The following FAM135B variants were observed in gnomAD, a reference collection of about 807,000 sequenced individuals.
FAM135B encodes protein FAM135B.
Under a neutral mutation model 127.7 loss-of-function variants are expected in FAM135B, and 43 were observed. The observed-to-expected ratio is 0.34, with a 90% confidence interval of 0.26 to 0.43. The LOEUF (loss-of-function observed/expected upper bound fraction) is 0.43, where lower values mean the gene tolerates loss of function less well. FAM135B is among the 20% of genes least tolerant of loss of function. FAM135B has a pLI of 1.00. For synonymous variants in FAM135B, 670 were observed against 665.1 expected (o/e 1.01, Z -0.11); for missense variants, 1,558 against 1,725.6 (o/e 0.90, Z 1.72).
At chr8:138,238,302 A>T (rs969658101) in intron 7 of FAM135B, among the ~76,000 whole-genome samples, 1 of 152,166 alleles carries the variant, frequency 6.6e-6, no homozygotes, top group Admixed American at 6.5e-5. Context: ...AGCTTATTTC[A>T]TTTAATCCTC....
At position 138,346,785 on chromosome 8, in the gene FAM135B, A is replaced by T. The variant is rs543136293; in HGVS notation, c.77+21122T>A. On this transcript the variant is annotated intron_variant, in intron 2 of 19. Transcript: ENST00000395297. ...ACTGTGGCACACATTTACCTATGTA[A>T]CAAAGCTTCACACCCTGCACATGTA... 3.9e-5 allele frequency among the ~76,000 whole-genome samples: 6 copies of T among 152,148 alleles called. No homozygotes were observed. In the South Asian group the frequency reaches 1.0e-3, roughly 26 times the overall value.
intron 7 of FAM135B, among the ~76,000 whole-genome samples, chr8:138,233,535 A>C (rs192757805): frequency 6.4e-4 from 98 of 152,344 alleles, no homozygotes; most frequent in African/African-American, 2.1e-3. Context: ...TTAAACACTT[A>C]AACGTCAGAC....
At chr8:138,495,216 G>A (rs1815345925) in intron 1 of FAM135B, among the ~76,000 whole-genome samples, 1 of 152,188 alleles carries the variant, frequency 6.6e-6, no homozygotes, top group South Asian at 2.1e-4. Context: ...GATTGAGCCT[G>A]GTAAACTGCA....
chr8:138,475,942 C>T (rs1047845597), intron 1 of FAM135B, among the ~76,000 whole-genome samples: 13 of 152,118 alleles, frequency 8.5e-5, no homozygotes, highest in African/African-American at 2.7e-4. Flanking sequence ...TCATAACTGT[C>T]AAAACTTGGA....
chr8:138,286,080 G>A (rs1824660993), intron 3 of FAM135B, among the ~76,000 whole-genome samples: 1 of 152,066 alleles, frequency 6.6e-6, no homozygotes, highest in African/African-American at 2.4e-5. Flanking sequence ...AAACACTCAA[G>A]TAACCATTCC....
intron 2 of FAM135B, among the ~76,000 whole-genome samples, chr8:138,321,132 C>T (rs1827428084): frequency 1.3e-5 from 2 of 152,294 alleles, no homozygotes; most frequent in South Asian, 4.2e-4. Context: ...GCCTCTCTTT[C>T]CTCATGGGCG....
chr8:138,309,403 C>G (rs1826496356), intron 3 of FAM135B, among the ~76,000 whole-genome samples: 1 of 151,798 alleles, frequency 6.6e-6, no homozygotes, highest in Admixed American at 6.6e-5. Context: ...AGGAGGAACA[C>G]CTTGGAAATA....
At chr8:138,196,250 G>C (rs1586743945) in intron 8 of FAM135B, among the ~76,000 whole-genome samples, 1 of 152,098 alleles carries the variant, frequency 6.6e-6, no homozygotes, top group African/African-American at 2.4e-5. Context: ...TTTTTCATTT[G>C]AGCTATATAA....
chr8:138,452,281 T>A (rs1006758785), intron 1 of FAM135B, among the ~76,000 whole-genome samples: 8 of 151,880 alleles, frequency 5.3e-5, no homozygotes, highest in Non-Finnish European at 2.9e-5. Flanking sequence ...CCACCACACC[T>A]GGCTAATTTT....
chr8:138,451,132 C>A (rs897376341), intron 1 of FAM135B, among the ~76,000 whole-genome samples: 1 of 152,116 alleles, frequency 6.6e-6, no homozygotes, highest in African/African-American at 2.4e-5. Context: ...AATGGGATAG[C>A]CTTGACCAAT....
intron 2 of FAM135B, among the ~76,000 whole-genome samples, chr8:138,335,644 A>C (rs906260010): frequency 3.9e-5 from 6 of 152,134 alleles, no homozygotes; most frequent in Non-Finnish European, 5.9e-5. Flanking sequence ...TAGGCTCCCA[A>C]ACAATAATAA....
chr8:138,245,614 C>T (rs1821218410), intron 6 of FAM135B, among the ~76,000 whole-genome samples: 1 of 152,162 alleles, frequency 6.6e-6, no homozygotes, highest in Admixed American at 6.5e-5. Context: ...AATTAAACCT[C>T]TTTTCTTTAT....
chr8:138,344,855 G>A (rs538945884), intron 2 of FAM135B, among the ~76,000 whole-genome samples: 7 of 152,148 alleles, frequency 4.6e-5, no homozygotes, highest in South Asian at 4.1e-4. Flanking sequence ...GATTACAGGC[G>A]TGAGCCACCG....
At chr8:138,336,312 C>A (rs1187985370) in intron 2 of FAM135B, among the ~76,000 whole-genome samples, 1 of 152,098 alleles carries the variant, frequency 6.6e-6, no homozygotes, top group Non-Finnish European at 1.5e-5. Flanking sequence ...ATCAATGAAT[C>A]CAGGAGCTGG....
At chr8:138,181,859 G>A (rs1354126390) in intron 9 of FAM135B, among the ~76,000 whole-genome samples, 1 of 152,114 alleles carries the variant, frequency 6.6e-6, no homozygotes, top group African/African-American at 2.4e-5. Context: ...ACCACTCATA[G>A]CACCTCCACC....
chr8:138,316,788 G>A (rs1046685387), intron 2 of FAM135B, among the ~76,000 whole-genome samples: 2 of 151,976 alleles, frequency 1.3e-5, no homozygotes, highest in Non-Finnish European at 2.9e-5. Flanking sequence ...AGACCATCCT[G>A]GCTAACACGG....
At chr8:138,387,658 C>T (rs541341385) in intron 1 of FAM135B, among the ~76,000 whole-genome samples, 1 of 152,164 alleles carries the variant, frequency 6.6e-6, no homozygotes, top group Non-Finnish European at 1.5e-5. Flanking sequence ...AGTCATAGTC[C>T]CACTTAATCC....
chr8:138,366,371 A>T (rs1830734972), intron 2 of FAM135B, among the ~76,000 whole-genome samples: 1 of 152,220 alleles, frequency 6.6e-6, no homozygotes, highest in Admixed American at 6.5e-5. Context: ...CTGAAGCAGT[A>T]GCACAGCCTG....
intron 7 of FAM135B, among the ~76,000 whole-genome samples, chr8:138,218,795 AG>A (rs1818784673): frequency 6.7e-5 from 2 of 29,772 alleles, no homozygotes; most frequent in Non-Finnish European, 1.0e-4. Flanking sequence ...AGAGAGAGAG[AG>A]AGAGAGAGGG....
Sources: gnomAD v4.1 joint callset for allele counts (sites outside exome capture counted in the v4.1 genomes callset) on GRCh38, gnomAD v4.1.1 for gene constraint, MANE v1.5 for transcripts, NCBI Gene and HGNC (gene_info 2026-07-23, HGNC 2026-07-21) for gene names.